Variants in RAP1A observed in about 807,000 individuals in gnomAD.
RAP1A encodes the protein RAP1A, member of RAS oncogene family, also known as ras-related protein Rap-1A.
RAP1A carries 6 observed loss-of-function variants against 26.4 expected under a neutral mutation model. That is an observed-to-expected ratio of 0.23 (90% CI 0.12 to 0.45). The LOEUF (loss-of-function observed/expected upper bound fraction) is 0.45. Among genes scored for constraint, RAP1A ranks in the 20% least tolerant of loss-of-function variants. The pLI is 0.99. For missense variants in RAP1A, 121 were observed against 217.2 expected (o/e 0.56, Z 2.78); for synonymous variants, 73 against 79.4 (o/e 0.92, Z 0.43).
intron 1 of RAP1A, among the ~76,000 whole-genome samples, chr1:111,661,930 T>C (rs1023413579): frequency 2.0e-5 from 3 of 152,074 alleles, no homozygotes; most frequent in Non-Finnish European, 2.9e-5. Flanking sequence ...CAAATAGTTA[T>C]GTATCTTTTT....
At chr1:111,599,547 C>G (rs908088613) in intron 1 of RAP1A, 2 of 152,246 alleles carry the variant, frequency 1.3e-5, no homozygotes, top group African/African-American at 4.8e-5. Flanking sequence ...TCAATTTGAG[C>G]TTCGGCCCTT....
intron 1 of RAP1A, among the ~76,000 whole-genome samples, chr1:111,551,554 CA>C (rs1319462389): frequency 6.6e-6 from 1 of 152,128 alleles, no homozygotes; most frequent in Non-Finnish European, 1.5e-5. Context: ...GTTACTGTCA[CA>C]AATTACTTCT....
chr1:111,587,383 A>C (rs767627302), intron 1 of RAP1A, among the ~76,000 whole-genome samples: 70 of 152,238 alleles, frequency 4.6e-4, no homozygotes, highest in Non-Finnish European at 6.8e-4. Flanking sequence ...GAGCTCCATC[A>C]ACAACACCTA....
chr1:111,564,699 A>C (rs930737281), intron 1 of RAP1A, among the ~76,000 whole-genome samples: 1 of 151,618 alleles, frequency 6.6e-6, no homozygotes, highest in African/African-American at 2.4e-5. Flanking sequence ...TTTTTAGTAG[A>C]GATGGGGTTT....
chr1:111,602,869 G>A (rs1440823093), intron 1 of RAP1A, among the ~76,000 whole-genome samples: 2 of 152,200 alleles, frequency 1.3e-5, no homozygotes, highest in Admixed American at 1.3e-4. Context: ...CAAGGGGGCA[G>A]GGCAAGTGAA....
chr1:111,583,850 C>G (rs906876137), intron 1 of RAP1A, among the ~76,000 whole-genome samples: 1 of 146,916 alleles, frequency 6.8e-6, no homozygotes. Flanking sequence ...AAACAAGATA[C>G]ACAACTGTCT....
At chr1:111,645,421 G>A (rs745591576) in intron 1 of RAP1A, among the ~76,000 whole-genome samples, 2 of 152,166 alleles carry the variant, frequency 1.3e-5, no homozygotes, top group South Asian at 2.1e-4. Context: ...GTGCAGTACT[G>A]AGGGTCCAGG....
At chr1:111,621,987 A>G (rs1258572860) in intron 1 of RAP1A, among the ~76,000 whole-genome samples, 1 of 152,232 alleles carries the variant, frequency 6.6e-6, no homozygotes, top group Non-Finnish European at 1.5e-5. Context: ...TCCCAAGGAA[A>G]TATTCCAAAA....
At chr1:111,689,745 C>T (rs1479196425) in intron 1 of RAP1A, among the ~76,000 whole-genome samples, 1 of 152,192 alleles carries the variant, frequency 6.6e-6, no homozygotes, top group Non-Finnish European at 1.5e-5. Flanking sequence ...TCTCAGCTCA[C>T]TGCAAGCTCC....
intron 1 of RAP1A, among the ~76,000 whole-genome samples, chr1:111,587,429 C>T (rs1571484990): frequency 6.6e-6 from 1 of 152,278 alleles, no homozygotes; most frequent in East Asian, 1.9e-4. Flanking sequence ...TTCTTTCTCT[C>T]CTCTCAGGAC....
intron 1 of RAP1A, among the ~76,000 whole-genome samples, chr1:111,629,554 TATC>T (rs969105697): frequency 4.6e-5 from 7 of 152,194 alleles, no homozygotes; most frequent in Admixed American, 2.6e-4. Flanking sequence ...AACAGTGAGT[TATC>T]ATACCTTTCT....
At chr1:111,559,359 A>G (rs188901318) in intron 1 of RAP1A, among the ~76,000 whole-genome samples, 122 of 152,328 alleles carry the variant, frequency 8.0e-4, no homozygotes, top group African/African-American at 2.9e-3. Flanking sequence ...AACACCCACT[A>G]TTAGGCATTT....
chr1:111,564,186 T>C lies in RAP1A; in HGVS notation c.-28+21677T>C, dbSNP rs74109805. 8.3e-3 allele frequency among the ~76,000 whole-genome samples: 1,260 copies of C among 152,326 alleles called. 7 individuals carry two copies. Among genetic ancestry groups the C allele is most frequent in the African/African-American group, 0.029 (1,209 of 41,572 alleles). ...GTCATTGTGTGGCTTTCCAAGCCATTTGGACATTGTGAAACTTGAAATGAG... is the reference window on the plus strand; with the variant it reads ...GTCATTGTGTGGCTTTCCAAGCCATCTGGACATTGTGAAACTTGAAATGAG... On this transcript the variant is annotated intron_variant, in intron 1 of 7. Transcript: ENST00000356415.
rs1557902404 is a variant in RAP1A at position 111,714,468 on chromosome 1, T to TC, written c.*2069dup. 1 of 152,218 alleles carries TC rather than the reference T, an allele frequency of 6.6e-6. No homozygotes were observed. Among genetic ancestry groups the TC allele is most frequent in the South Asian group, 2.1e-4 (1 of 4,830 alleles). The allele number at this position is 152,218 out of a possible 1,614,324, so 9.4% of individuals were successfully genotyped here. On this transcript the variant is annotated 3_prime_UTR_variant, in exon 8 of 8. Transcript: ENST00000369709. ...TTAAATAGAAGTCATTTAATAAGAC[T>TC]CCAAGTCTCAGTCTGCTTGACTAGT... is the stretch of plus-strand genomic sequence containing the variant.
At chr1:111,623,499 G>A (rs932280482) in intron 1 of RAP1A, among the ~76,000 whole-genome samples, 1 of 151,940 alleles carries the variant, frequency 6.6e-6, no homozygotes, top group African/African-American at 2.4e-5. Context: ...CTCTGCCTCC[G>A]AGGTTCAAGG....
At chr1:111,615,726 G>A (rs374787610), upstream of RAP1A, among the ~76,000 whole-genome samples, 7 of 151,606 alleles carry the variant, frequency 4.6e-5, no homozygotes, top group East Asian at 1.2e-3. Context: ...AGCTACTCGG[G>A]AGGCTGAAGC....
rs575689237 is a variant in RAP1A at position 111,582,510 on chromosome 1, G to A, written c.-28+40001G>A. ...GTAAATCTTTTTCTTTCCTATGACA[G>A]CAAAAACGAGCTATGTAACTTACAA... On this transcript the variant is annotated intron_variant, in intron 1 of 7. Coordinates refer to the RAP1A transcript ENST00000356415. Among the ~76,000 whole-genome samples the A allele has an allele frequency of 7.9e-5, 12 of 152,198 alleles. No individual in the cohort carries two copies. The South Asian group carries it at 2.5e-3, about 32-fold the overall frequency.
intron 1 of RAP1A, among the ~76,000 whole-genome samples, chr1:111,621,185 C>T (rs1262056008): frequency 6.6e-6 from 1 of 152,138 alleles, no homozygotes; most frequent in East Asian, 1.9e-4. Context: ...GGGCTCCTAC[C>T]TTCAAAAGCA....
intron 1 of RAP1A, among the ~76,000 whole-genome samples, chr1:111,666,814 A>G (rs1660808895): frequency 1.3e-5 from 2 of 152,204 alleles, no homozygotes; most frequent in African/African-American, 4.8e-5. Context: ...AACTAAGTGG[A>G]GAAGGAAGAA....
Sources: gnomAD v4.1 joint callset for allele counts (sites outside exome capture counted in the v4.1 genomes callset) on GRCh38, gnomAD v4.1.1 for gene constraint, MANE v1.5 for transcripts, NCBI Gene and HGNC (gene_info 2026-07-23, HGNC 2026-07-21) for gene names.